The following CHST9 variants were observed in gnomAD, a reference collection of about 807,000 sequenced individuals.
CHST9 encodes GalNAc-4-sulfotransferase 2.
A neutral mutation model predicts 44.4 loss-of-function variants in CHST9; 41 were observed. The ratio of observed to expected loss-of-function variants is 0.92; its 90% CI spans 0.72 to 1.20. CHST9 has a LOEUF of 1.20. CHST9 is among the 50% of genes most tolerant of loss of function. The probability of loss-of-function intolerance (pLI) is 0.00; values close to 1 mark genes in which losing one functional copy is unlikely to be tolerated. For missense variants in CHST9, 504 were observed against 516.5 expected (o/e 0.98, Z 0.23); for synonymous variants, 171 against 178.4 (o/e 0.96, Z 0.33).
chr18:27,062,592 C>G lies in CHST9; in HGVS notation c.122-14089G>C, dbSNP rs901342889. Among the ~76,000 whole-genome samples, 6 of 152,224 alleles carry G rather than the reference C, an allele frequency of 3.9e-5. No homozygotes were observed. The East Asian group carries it at 5.8e-4, about 15-fold the overall frequency. On this transcript the variant is annotated intron_variant, in intron 2 of 5. Transcript: ENST00000618847. ...ACATTTGGGTTGGTTCCAAGTCTTT[C>G]CTATTGTGAATAGTGCTGCAATAAA...
chr18:27,181,269 G>T (rs1388645744), intron 1 of CHST9, among the ~76,000 whole-genome samples: 1 of 152,140 alleles, frequency 6.6e-6, no homozygotes, highest in African/African-American at 2.4e-5. Context: ...GATATTTCAT[G>T]CTATGGTATG....
At chr18:27,024,360 C>T (rs1421949300) in intron 3 of CHST9, among the ~76,000 whole-genome samples, 6 of 152,094 alleles carry the variant, frequency 3.9e-5, no homozygotes, top group African/African-American at 1.4e-4. Flanking sequence ...ATTAGGAAAC[C>T]TGGCATTACC....
chr18:26,920,712 C>T (rs422968), intron 5 of CHST9, among the ~76,000 whole-genome samples: 1 of 152,160 alleles, frequency 6.6e-6, no homozygotes, highest in African/African-American at 2.4e-5. Context: ...ACCAAAAGGT[C>T]AAGTTAAACT....
intron 2 of CHST9, among the ~76,000 whole-genome samples, chr18:27,081,393 A>G (rs1312353929): frequency 6.6e-6 from 1 of 152,166 alleles, no homozygotes; most frequent in Admixed American, 6.5e-5. Flanking sequence ...ACATCAGACG[A>G]AGGCTGCAGC....
chr18:27,101,448 C>A (rs1324763722), intron 2 of CHST9, among the ~76,000 whole-genome samples: 1 of 149,444 alleles, frequency 6.7e-6, no homozygotes, highest in Non-Finnish European at 1.5e-5. Context: ...AAAAAATTAG[C>A]CGGGTGCGGT....
At chr18:27,045,518 C>G (rs2057489652) in intron 3 of CHST9, among the ~76,000 whole-genome samples, 1 of 151,874 alleles carries the variant, frequency 6.6e-6, no homozygotes, top group Non-Finnish European at 1.5e-5. Context: ...TAAAGAGAAT[C>G]AAGGGAAAAT....
chr18:27,176,304 C>T (rs887601946), intron 1 of CHST9, among the ~76,000 whole-genome samples: 2 of 151,836 alleles, frequency 1.3e-5, no homozygotes, highest in African/African-American at 4.8e-5. Context: ...TATCTGGTAT[C>T]CCATTGGAGG....
chr18:26,935,079 G>A (rs958512970), intron 5 of CHST9: 2 of 152,186 alleles, frequency 1.3e-5, no homozygotes, highest in African/African-American at 4.8e-5. Flanking sequence ...TTGATTAAAA[G>A]CATATATCAC....
At chr18:27,002,032 C>G (rs2056959242) in intron 4 of CHST9, among the ~76,000 whole-genome samples, 1 of 151,648 alleles carries the variant, frequency 6.6e-6, no homozygotes, top group Non-Finnish European at 1.5e-5. Context: ...AATGCCCACT[C>G]AAGATTGACA....
intron 2 of CHST9, among the ~76,000 whole-genome samples, chr18:27,095,313 T>C (rs1185912643): frequency 2.6e-5 from 4 of 152,162 alleles, no homozygotes; most frequent in Non-Finnish European, 5.9e-5. Flanking sequence ...TAATGAAAAT[T>C]AGGTTGATGC....
chr18:26,924,547 A>G (rs1320948602), intron 5 of CHST9: 3 of 837,602 alleles, frequency 3.6e-6, no homozygotes, highest in Non-Finnish European at 4.3e-6. Flanking sequence ...ACTCTTAATA[A>G]TGTATCTTTT....
chr18:26,916,955 G>C lies in CHST9; in HGVS notation c.636C>G (p.His212Gln). The C allele has an allele frequency of 6.2e-7, 1 of 1,613,742 alleles. No homozygotes were observed. Among genetic ancestry groups the C allele is most frequent in the Non-Finnish European group, 8.5e-7 (1 of 1,179,812 alleles). ...TAGGTACCTCACAATATAAGATTTT[G>C]TGTTTATCTTCTACATAGATTCTGG... The part of the protein sequence containing the change: ...TVSRIYVEDK[H>Q]KILYCEVPKA... The change falls in exon 6 of 6, where the codon CAC (histidine) becomes CAG (glutamine). Residue 212 changes from histidine (H) to glutamine (Q), a missense_variant. By Grantham distance (24) the His-to-Gln change is conservative. Transcript: ENST00000618847.
intron 2 of CHST9, among the ~76,000 whole-genome samples, chr18:27,128,971 C>A (rs1398709251): frequency 6.6e-6 from 1 of 152,018 alleles, no homozygotes; most frequent in East Asian, 1.9e-4. Context: ...GTTCTAGGCC[C>A]TGTGGTCCTA....
chr18:27,043,882 A>T (rs2143542425), intron 3 of CHST9, among the ~76,000 whole-genome samples: 1 of 152,130 alleles, frequency 6.6e-6, no homozygotes, highest in African/African-American at 2.4e-5. Flanking sequence ...TTTTGGCCAC[A>T]TCTCCCACCT....
intron 1 of CHST9, among the ~76,000 whole-genome samples, chr18:27,154,879 T>C (rs1348055628): frequency 6.6e-6 from 1 of 151,930 alleles, no homozygotes; most frequent in Non-Finnish European, 1.5e-5. Context: ...GATCAGGAGT[T>C]TGAGACCAGC....
At chr18:27,068,345 G>C (rs528996710) in intron 2 of CHST9, among the ~76,000 whole-genome samples, 44 of 150,814 alleles carry the variant, frequency 2.9e-4, no homozygotes, top group Non-Finnish European at 3.7e-4. Flanking sequence ...TTATTTCTTT[G>C]AACATTTAAG....
chr18:27,003,637 T>C (rs1568128804), intron 4 of CHST9, among the ~76,000 whole-genome samples: 1 of 152,138 alleles, frequency 6.6e-6, no homozygotes, highest in Non-Finnish European at 1.5e-5. Flanking sequence ...TCCTCACATA[T>C]AGCACTTGGT....
intron 4 of CHST9, among the ~76,000 whole-genome samples, chr18:26,981,395 G>T (rs2056690420): frequency 6.6e-6 from 1 of 152,184 alleles, no homozygotes; most frequent in African/African-American, 2.4e-5. Context: ...CTCATGTCTA[G>T]GATCCATCAA....
At chr18:26,996,027 A>T (rs2056884385) in intron 4 of CHST9, among the ~76,000 whole-genome samples, 1 of 152,146 alleles carries the variant, frequency 6.6e-6, no homozygotes, top group Non-Finnish European at 1.5e-5. Context: ...ATAGAGCCAG[A>T]TTCTTTACTC....
Sources: allele counts gnomAD v4.1 joint callset (sites outside exome capture counted in the v4.1 genomes callset), GRCh38; gene constraint gnomAD v4.1.1; transcripts MANE v1.5; gene names NCBI Gene and HGNC (gene_info 2026-07-23, HGNC 2026-07-21).